DIS3L2: variants seen among roughly 807,000 people sequenced by gnomAD.
DIS3L2 encodes DIS3 like 3'-5' exoribonuclease 2.
In DIS3L2, 34 loss-of-function variants were observed where a neutral mutation model predicts 97.5. That is an observed-to-expected ratio of 0.35 (90% CI 0.27 to 0.46). The LOEUF is 0.46. Among genes scored for constraint, DIS3L2 ranks in the 20% least tolerant of loss-of-function variants. The probability of loss-of-function intolerance (pLI) is 1.00; values close to 1 mark genes in which losing one functional copy is unlikely to be tolerated. For synonymous variants in DIS3L2, 435 were observed against 445.2 expected (o/e 0.98, Z 0.29); for missense variants, 1,038 against 1,146.0 (o/e 0.91, Z 1.36).
At chr2:232,209,110 G>A (rs770304694) in intron 9 of DIS3L2, among the ~76,000 whole-genome samples, 12 of 152,072 alleles carry the variant, frequency 7.9e-5, no homozygotes, top group African/African-American at 1.2e-4. Flanking sequence ...AATTGATGGC[G>A]CATCTTATAA....
intron 1 of DIS3L2, among the ~76,000 whole-genome samples, chr2:231,967,531 A>C (rs544204731): frequency 5.3e-5 from 8 of 152,350 alleles, no homozygotes; most frequent in Non-Finnish European, 1.2e-4. Context: ...GCAAAACTCT[A>C]GCAACAGTTA....
intron 10 of DIS3L2, among the ~76,000 whole-genome samples, chr2:232,230,337 G>A (rs1024859017): frequency 6.6e-6 from 1 of 152,232 alleles, no homozygotes; most frequent in Admixed American, 6.5e-5. Flanking sequence ...GGCTGCATGA[G>A]CTGCCCTAAG....
At chr2:232,006,365 G>C (rs1454322897) in intron 1 of DIS3L2, among the ~76,000 whole-genome samples, 1 of 152,166 alleles carries the variant, frequency 6.6e-6, no homozygotes. Context: ...AATTAAGTTG[G>C]AAATGAAGGA....
intron 13 of DIS3L2, chr2:232,343,076 C>T (rs750340370): frequency 7.1e-5 from 30 of 422,414 alleles, no homozygotes; most frequent in Non-Finnish European, 1.3e-4. Context: ...TCTGCTGTCC[C>T]CTCCATGTTC....
At chr2:232,246,389 G>A (rs1306284059) in intron 11 of DIS3L2, among the ~76,000 whole-genome samples, 1 of 152,220 alleles carries the variant, frequency 6.6e-6, no homozygotes, top group African/African-American at 2.4e-5. Flanking sequence ...CAGGTGAAGG[G>A]GGTGCAGTGG....
intron 9 of DIS3L2, among the ~76,000 whole-genome samples, chr2:232,189,309 T>C (rs892901159): frequency 3.3e-5 from 5 of 152,150 alleles, no homozygotes; most frequent in Admixed American, 1.3e-4. Flanking sequence ...ATAGCCCAAA[T>C]ACTAGAAACA....
intron 4 of DIS3L2, among the ~76,000 whole-genome samples, chr2:232,025,639 AACTTGGCTGC>A (rs1694635564): frequency 6.6e-6 from 1 of 152,200 alleles, no homozygotes; most frequent in Non-Finnish European, 1.5e-5. Context: ...TTGAGGTGGT[AACTTGGCTGC>A]ACGAACAGTT....
At chr2:232,157,259 A>G (rs1690518206) in intron 8 of DIS3L2, among the ~76,000 whole-genome samples, 1 of 152,112 alleles carries the variant, frequency 6.6e-6, no homozygotes, top group Non-Finnish European at 1.5e-5. Flanking sequence ...TAAATATTTT[A>G]TGTGTGGGTC....
intron 4 of DIS3L2, among the ~76,000 whole-genome samples, chr2:232,025,146 C>T (rs1244750835): frequency 2.6e-5 from 4 of 152,104 alleles, no homozygotes; most frequent in Non-Finnish European, 2.9e-5. Context: ...AATATAGGTT[C>T]AGTCATGTAC....
chr2:232,015,711 A>G (rs1457343069), intron 3 of DIS3L2, 40 bp downstream of exon 3: 2 of 1,604,998 alleles, frequency 1.2e-6, no homozygotes, highest in South Asian at 1.1e-5. Flanking sequence ...CTGAATATGT[A>G]GAATCCAAAA....
intron 19 of DIS3L2, 161 bp from the exon 20 acceptor site, chr2:232,335,612 A>C: frequency 4.2e-6 from 3 of 714,260 alleles, no homozygotes; most frequent in Non-Finnish European, 4.7e-6. Context: ...GCCTCAGCTG[A>C]AGGTGGCCTG....
At chr2:232,157,463 G>A (rs1394611479) in intron 8 of DIS3L2, among the ~76,000 whole-genome samples, 1 of 152,202 alleles carries the variant, frequency 6.6e-6, no homozygotes, top group African/African-American at 2.4e-5. Context: ...TCAGTGAAAT[G>A]TATGGGCTTT....
chr2:231,969,713 C>G (rs912543497), intron 1 of DIS3L2, among the ~76,000 whole-genome samples: 5 of 152,088 alleles, frequency 3.3e-5, no homozygotes, highest in African/African-American at 1.2e-4. Context: ...ATTTCTTTTT[C>G]TTATTGCACT....
chr2:232,324,286 A>G (rs1695516029), intron 14 of DIS3L2, among the ~76,000 whole-genome samples: 1 of 152,226 alleles, frequency 6.6e-6, no homozygotes, highest in African/African-American at 2.4e-5. Context: ...TGAGGCTGAA[A>G]TTGGCTGGGA....
downstream of DIS3L2, among the ~76,000 whole-genome samples, chr2:232,337,581 A>G (rs574652534): frequency 6.6e-6 from 1 of 152,140 alleles, no homozygotes; most frequent in East Asian, 1.9e-4. Flanking sequence ...TTCCCCAGCC[A>G]GCCTGACCCC....
At chr2:232,195,687 A>G (rs1691733240) in intron 9 of DIS3L2, among the ~76,000 whole-genome samples, 1 of 152,006 alleles carries the variant, frequency 6.6e-6, no homozygotes, top group South Asian at 2.1e-4. Context: ...CCTGGGCTCA[A>G]GCTGTTCTCC....
Position 231,966,577 on chromosome 2 carries a change from A to G in DIS3L2, c.-94+4812A>G, listed in dbSNP as rs542692464. 3.5e-4 allele frequency among the ~76,000 whole-genome samples: 46 copies of G among 129,782 alleles called. No individual in the cohort carries two copies. In the East Asian group the frequency reaches 3.8e-3, roughly 11 times the overall value. 85.1% of individuals were successfully genotyped at this position (129,782 alleles called of 152,430 possible). A position where few individuals can be genotyped will look rare whatever the true frequency, so the allele number is the denominator to read the frequency against. On this transcript the variant is annotated intron_variant, in intron 1 of 20. Transcript: ENST00000325385. ...ACTCCCAGGCTCGAGTGATCTTCCC[A>G]CCTGAGCCTCTTGAGTAGCTGGGTC...
intron 14 of DIS3L2, among the ~76,000 whole-genome samples, chr2:232,305,445 TATTA>T (rs781675412): frequency 6.6e-6 from 1 of 152,236 alleles, no homozygotes; most frequent in Non-Finnish European, 1.5e-5. Flanking sequence ...CGCCTATTAC[TATTA>T]ATTAATTTTT....
At chr2:232,337,871 C>G (rs1461777402), downstream of DIS3L2, among the ~76,000 whole-genome samples, 1 of 151,528 alleles carries the variant, frequency 6.6e-6, no homozygotes, top group Non-Finnish European at 1.5e-5. Flanking sequence ...TGGGAGGCAA[C>G]CAAAGACATC....
Sources: allele counts gnomAD v4.1 joint callset (sites outside exome capture counted in the v4.1 genomes callset), GRCh38; gene constraint gnomAD v4.1.1; transcripts MANE v1.5; gene names NCBI Gene and HGNC (gene_info 2026-07-23, HGNC 2026-07-21).